EBF1: variants seen among roughly 807,000 people sequenced by gnomAD.
The protein encoded by EBF1 is transcription factor COE1.
EBF1 carries 10 observed loss-of-function variants against 68.4 expected under a neutral mutation model. The observed-to-expected ratio is 0.15, with a 90% CI of 0.09 to 0.25. The LOEUF (loss-of-function observed/expected upper bound fraction) is 0.25, where lower values mean the gene tolerates loss of function less well. EBF1 is among the 10% of genes least tolerant of loss of function. The pLI is 1.00. For missense variants in EBF1, 509 were observed against 794.4 expected, an observed-to-expected ratio of 0.64 and a Z score of 4.32; for synonymous variants, 298 against 299.8, an observed-to-expected ratio of 0.99 and a Z score of 0.06.
intron 6 of EBF1, among the ~76,000 whole-genome samples, chr5:158,863,709 C>T (rs73816080): frequency 6.6e-6 from 1 of 152,256 alleles, no homozygotes; most frequent in African/African-American, 2.4e-5. Flanking sequence ...CAGCTTTATA[C>T]TGTGTGACCA....
chr5:158,733,260 C>A (rs554182345), intron 10 of EBF1, among the ~76,000 whole-genome samples: 2 of 152,122 alleles, frequency 1.3e-5, no homozygotes, highest in Admixed American at 6.5e-5. Context: ...TTAAATGCAT[C>A]ATTTTAATAT....
At chr5:158,831,062 C>T (rs1040316900) in intron 7 of EBF1, among the ~76,000 whole-genome samples, 3 of 152,164 alleles carry the variant, frequency 2.0e-5, no homozygotes, top group Non-Finnish European at 4.4e-5. Flanking sequence ...GAAAAGCTCA[C>T]AAGTCATCTG....
chr5:158,845,661 G>A (rs1321868372), intron 6 of EBF1, among the ~76,000 whole-genome samples: 1 of 146,330 alleles, frequency 6.8e-6, no homozygotes, highest in Non-Finnish European at 1.5e-5. Flanking sequence ...AAAGACCTAT[G>A]TACCCAATGA....
chr5:159,085,357 T>C (rs1052746275), intron 4 of EBF1, among the ~76,000 whole-genome samples: 1 of 152,238 alleles, frequency 6.6e-6, no homozygotes, highest in African/African-American at 2.4e-5. Flanking sequence ...ATGCTCTGTG[T>C]GTGGATTTAA....
intron 7 of EBF1, among the ~76,000 whole-genome samples, chr5:158,826,502 G>A (rs1786162844): frequency 6.6e-6 from 1 of 152,152 alleles, no homozygotes; most frequent in South Asian, 2.1e-4. Context: ...GAATGGTTTT[G>A]AAATAAATTG....
chr5:158,754,293 T>C (rs960751312), intron 10 of EBF1, among the ~76,000 whole-genome samples: 1 of 152,102 alleles, frequency 6.6e-6, no homozygotes, highest in African/African-American at 2.4e-5. Flanking sequence ...AATAAATCTT[T>C]GGTGTTGGTG....
Position 158,716,582 on chromosome 5 carries a change from G to T in EBF1, c.1126-2400C>A, listed in dbSNP as rs140414664. Among the ~76,000 whole-genome samples, 1,129 of 152,274 alleles carry T rather than the reference G, an allele frequency of 7.4e-3. 7 individuals carry two copies. Among genetic ancestry groups the T allele is most frequent in the Middle Eastern group, 0.014 (4 of 294 alleles). Reference sequence around the variant, plus strand: ...TATCAACTTGTAAGGACTTAAGAAAGACTTGGTTGAGCTTTGCCCATGTGA... The same window carrying T: ...TATCAACTTGTAAGGACTTAAGAAATACTTGGTTGAGCTTTGCCCATGTGA... On this transcript the variant is annotated intron_variant, in intron 11 of 15. Coordinates refer to ENST00000313708, the MANE Select transcript of EBF1 (RefSeq NM_024007.5).
intron 6 of EBF1, among the ~76,000 whole-genome samples, chr5:158,861,521 T>C (rs533096150): frequency 1.3e-5 from 2 of 152,212 alleles, no homozygotes; most frequent in Non-Finnish European, 2.9e-5. Flanking sequence ...AAACCCCATG[T>C]TTATGTATGC....
chr5:158,726,246 T>C (rs952852469), intron 11 of EBF1, among the ~76,000 whole-genome samples: 1 of 152,226 alleles, frequency 6.6e-6, no homozygotes, highest in Non-Finnish European at 1.5e-5. Flanking sequence ...TTCTCCTTAC[T>C]ACTAACCAGA....
intron 6 of EBF1, among the ~76,000 whole-genome samples, chr5:158,860,329 C>A (rs954972587): frequency 6.6e-6 from 1 of 152,174 alleles, no homozygotes; most frequent in Non-Finnish European, 1.5e-5. Flanking sequence ...GGATTCAAAT[C>A]CAGGTATGAC....
intron 6 of EBF1, among the ~76,000 whole-genome samples, chr5:158,897,875 C>T (rs1802477052): frequency 6.6e-6 from 1 of 152,090 alleles, no homozygotes; most frequent in Non-Finnish European, 1.5e-5. Flanking sequence ...TGAGCTTTGA[C>T]AGTGGAAAAT....
At chr5:158,712,123 G>T (rs780046505) in intron 14 of EBF1, 31 bp downstream of exon 14, 12 of 1,610,722 alleles carry the variant, frequency 7.5e-6, no homozygotes, top group South Asian at 1.1e-5. Context: ...AGCGAAACGT[G>T]CAGGAACGCA....
chr5:159,053,206 G>A (rs1048297929), intron 6 of EBF1, among the ~76,000 whole-genome samples: 2 of 152,168 alleles, frequency 1.3e-5, no homozygotes, highest in African/African-American at 2.4e-5. Flanking sequence ...TTGACGTTGG[G>A]CAAGTTATTT....
intron 13 of EBF1, 58 bp from the exon 14 acceptor site, chr5:158,712,391 G>T: frequency 1.3e-6 from 2 of 1,579,492 alleles, no homozygotes; most frequent in Non-Finnish European, 1.7e-6. Flanking sequence ...GGCAATCCTG[G>T]AAGACTCGGG....
intron 6 of EBF1, among the ~76,000 whole-genome samples, chr5:158,908,727 G>T (rs1244503205): frequency 6.6e-6 from 1 of 152,216 alleles, no homozygotes. Context: ...TATGTTAATT[G>T]GGTGTTCCAA....
rs1462593372 is a variant in EBF1, at chr5:158,796,363, G to A, written c.891C>T (p.Thr297=). ...FFDGLQVIFG[T]MLVWSELITP... ...CACCTACCTCACTCCAGACCAGCAT[G>A]GTACCGAATATGACCTGTAACCCAT... Residue 297 remains threonine, a synonymous_variant, in exon 9 of 16, where the codon ACC becomes ACT. Transcript: ENST00000313708. 1.9e-6 allele frequency: 3 copies of A among 1,612,862 alleles called. No homozygotes were observed. The highest frequency in any genetic ancestry group is 4.5e-5 in the East Asian group (2 of 44,878).
intron 8 of EBF1, among the ~76,000 whole-genome samples, chr5:158,800,987 T>TC: frequency 6.6e-6 from 1 of 152,166 alleles, no homozygotes; most frequent in African/African-American, 2.4e-5. Context: ...CTCATAAGTA[T>TC]CCGCAAGGCC....
In EBF1 at chr5:158,698,286, C is replaced by G. The variant is rs891784554; in HGVS notation, c.*825G>C. The G allele has an allele frequency of 4.5e-6, 1 of 221,556 alleles. No homozygotes were observed. Among genetic ancestry groups the G allele is most frequent in the Admixed American group, 5.8e-5 (1 of 17,372 alleles). 13.7% of individuals were successfully genotyped at this position (221,556 alleles called of 1,614,324 possible). A position where few individuals can be genotyped will look rare whatever the true frequency, so the allele number is the denominator to read the frequency against. On this transcript the variant is annotated 3_prime_UTR_variant, in exon 16 of 16. Transcript: ENST00000313708. The stretch of plus-strand genomic sequence containing the variant: ...CACAGTATGTGTGCCACCAAGCTCT[C>G]GAGAGGCCATCGGCTTCAGAAGAAA...
At chr5:158,889,370 G>T (rs1250104821) in intron 6 of EBF1, among the ~76,000 whole-genome samples, 1 of 152,122 alleles carries the variant, frequency 6.6e-6, no homozygotes, top group East Asian at 1.9e-4. Context: ...GCAGCTAAAG[G>T]ATCCACTTTG....
Sources: gnomAD v4.1 joint callset for allele counts (sites outside exome capture counted in the v4.1 genomes callset) on GRCh38, gnomAD v4.1.1 for gene constraint, MANE v1.5 for transcripts, NCBI Gene and HGNC (gene_info 2026-07-23, HGNC 2026-07-21) for gene names.